ACTG2: variants seen among roughly 807,000 people sequenced by gnomAD.
The protein encoded by ACTG2 is actin gamma 2, smooth muscle, also known as actin, gamma-enteric smooth muscle.
A neutral mutation model predicts 37.6 loss-of-function variants in ACTG2; 16 were observed. The ratio of observed to expected loss-of-function variants is 0.43; its 90% CI spans 0.29 to 0.65. The LOEUF is 0.65. Ranked by LOEUF, ACTG2 falls within the 30% of genes least tolerant of loss-of-function variation. The pLI is 0.18. For missense variants in ACTG2, 238 were observed against 490.9 expected, an observed-to-expected ratio of 0.48 and a Z score of 4.87; for synonymous variants, 181 against 179.9, an observed-to-expected ratio of 1.01 and a Z score of -0.05.
intron 3 of ACTG2, among the ~76,000 whole-genome samples, chr2:73,903,816 T>G (rs1464994245): frequency 6.6e-6 from 1 of 151,700 alleles, no homozygotes; most frequent in Non-Finnish European, 1.5e-5. Flanking sequence ...GGCGGGTGCC[T>G]GTAATCCCAG....
chr2:73,896,192 T>C (rs1679744557), intron 1 of ACTG2, among the ~76,000 whole-genome samples: 1 of 152,038 alleles, frequency 6.6e-6, no homozygotes, highest in African/African-American at 2.4e-5. Flanking sequence ...TTTTTTGAAA[T>C]TAGCAGAATG....
At chr2:73,918,373 A>T (rs1467947615) in intron 8 of ACTG2, among the ~76,000 whole-genome samples, 1 of 152,212 alleles carries the variant, frequency 6.6e-6, no homozygotes, top group Non-Finnish European at 1.5e-5. Flanking sequence ...GTGGCTGTGC[A>T]TTCCCAGTCC....
chr2:73,904,777 G>GTGTGTGTATGTATATATATATATATA (rs1427483105), intron 3 of ACTG2, among the ~76,000 whole-genome samples: 2 of 42,608 alleles, frequency 4.7e-5, no homozygotes, highest in African/African-American at 1.6e-4. Context: ...GTGTGTGTGT[G>GTGTGTGTATGTATATATATATATATA]TATATATATA....
chr2:73,895,405 C>T (rs930544822), intron 1 of ACTG2, among the ~76,000 whole-genome samples: 11 of 151,994 alleles, frequency 7.2e-5, no homozygotes, highest in Non-Finnish European at 1.5e-4. Flanking sequence ...GTGAAGATAT[C>T]CTGAAGTTAA....
At chr2:73,901,201 C>T (rs1679863505) in intron 1 of ACTG2, 75 bp from the exon 2 acceptor site, 3 of 1,245,022 alleles carry the variant, frequency 2.4e-6, no homozygotes, top group Non-Finnish European at 3.2e-6. Flanking sequence ...TAGGGTCAGG[C>T]CCCAAAGCCA....
At chr2:73,913,960 T>C (rs915099202) in intron 6 of ACTG2, among the ~76,000 whole-genome samples, 1 of 152,096 alleles carries the variant, frequency 6.6e-6, no homozygotes, top group African/African-American at 2.4e-5. Context: ...TGAGGACAAA[T>C]TGAATAAGTG....
At chr2:73,916,911 A>G in intron 8 of ACTG2, 146 bp downstream of exon 8, 1 of 957,956 alleles carries the variant, frequency 1.0e-6, no homozygotes, top group Non-Finnish European at 1.5e-6. Flanking sequence ...ATTTTATCCT[A>G]CGGAATTATG....
chr2:73,895,854 C>T (rs983783341), intron 1 of ACTG2, among the ~76,000 whole-genome samples: 3 of 152,152 alleles, frequency 2.0e-5, no homozygotes, highest in Non-Finnish European at 2.9e-5. Context: ...TTTAGGCTTT[C>T]GGAGCCTGAA....
intron 1 of ACTG2, among the ~76,000 whole-genome samples, chr2:73,894,424 G>C (rs1679696942): frequency 6.6e-6 from 1 of 152,208 alleles, no homozygotes; most frequent in African/African-American, 2.4e-5. Context: ...TGCCAGGCCT[G>C]AGAAAAGGGG....
At chr2:73,916,392 A>G (rs1025241195) in intron 7 of ACTG2, among the ~76,000 whole-genome samples, 192 bp from the exon 8 acceptor site, 3 of 148,934 alleles carry the variant, frequency 2.0e-5, no homozygotes, top group Non-Finnish European at 4.5e-5. Flanking sequence ...AAAAAAAAAG[A>G]TCAATCAGAA....
In ACTG2 at chr2:73,902,489, G is replaced by GT; in HGVS notation, c.255+2dup. On this transcript the variant is annotated splice_donor_variant, in intron 3 of 8. Transcript: ENST00000345517. LOFTEE classifies it high-confidence loss of function. Reference sequence around the variant, plus strand: ...CACCAACTGGGATGACATGGAGAAGGTATCTGTAGACTTCCCCTTAATGAG... The same window carrying GT: ...CACCAACTGGGATGACATGGAGAAGGTTATCTGTAGACTTCCCCTTAATGAG... 1 of 1,613,994 alleles carries GT rather than the reference G, an allele frequency of 6.2e-7. No homozygotes were observed. Among genetic ancestry groups the GT allele is most frequent in the Non-Finnish European group, 8.5e-7 (1 of 1,179,982 alleles).
intron 3 of ACTG2, chr2:73,908,233 G>A: frequency 2.1e-6 from 1 of 468,862 alleles, no homozygotes. Flanking sequence ...TGCTCATGGA[G>A]GGCCACGCCA....
intron 3 of ACTG2, chr2:73,908,233 G>C: frequency 2.1e-6 from 1 of 468,862 alleles, no homozygotes; most frequent in Non-Finnish European, 4.4e-6. Flanking sequence ...TGCTCATGGA[G>C]GGCCACGCCA....
At position 73,919,790 on chromosome 2, in the gene ACTG2, A is replaced by G; in HGVS notation, c.*215A>G. On this transcript the variant is annotated 3_prime_UTR_variant, in exon 9 of 9. Transcript: ENST00000345517. Reference sequence around the variant, plus strand: ...TTATACCCATATTACAGATGAGGAAATTGAGGCTCAGAGAAGTCAAGGACT... The same window carrying G: ...TTATACCCATATTACAGATGAGGAAGTTGAGGCTCAGAGAAGTCAAGGACT... The G allele has an allele frequency of 2.4e-6, 1 of 417,896 alleles. No homozygotes were observed. The highest frequency in any genetic ancestry group is 3.9e-5 in the East Asian group (1 of 25,610). The allele number at this position is 417,896 out of a possible 1,614,324, so 25.9% of individuals were successfully genotyped here. A position where few individuals can be genotyped will look rare whatever the true frequency, so the allele number is the denominator to read the frequency against.
At chr2:73,908,450 A>G in intron 3 of ACTG2, 1 of 631,280 alleles carries the variant, frequency 1.6e-6, no homozygotes, top group Non-Finnish European at 3.0e-6. Context: ...TAATGAACAC[A>G]TAGAAAATAC....
chr2:73,916,486 G>A (rs149051673), intron 7 of ACTG2, 98 bp from the exon 8 acceptor site: 24 of 1,061,900 alleles, frequency 2.3e-5, no homozygotes, highest in Non-Finnish European at 3.0e-5. Flanking sequence ...TTCTGAACTA[G>A]GGTAGTTGCA....
At chr2:73,907,016 C>T (rs1680031084) in intron 3 of ACTG2, among the ~76,000 whole-genome samples, 1 of 152,122 alleles carries the variant, frequency 6.6e-6, no homozygotes, top group Non-Finnish European at 1.5e-5. Flanking sequence ...CTGTGCAATG[C>T]TCACAGTCCA....
At chr2:73,900,057 T>C (rs965127144) in intron 1 of ACTG2, among the ~76,000 whole-genome samples, 7 of 152,220 alleles carry the variant, frequency 4.6e-5, no homozygotes, top group African/African-American at 1.7e-4. Context: ...AGCTTCTGCA[T>C]GAGGCCATCT....
At chr2:73,895,137 G>T (rs927186940) in intron 1 of ACTG2, among the ~76,000 whole-genome samples, 2 of 152,070 alleles carry the variant, frequency 1.3e-5, no homozygotes, top group African/African-American at 4.8e-5. Flanking sequence ...GGGCAGCTCC[G>T]GGCAGAGGCT....
Sources: gnomAD v4.1 joint callset for allele counts (sites outside exome capture counted in the v4.1 genomes callset) on GRCh38, gnomAD v4.1.1 for gene constraint, MANE v1.5 for transcripts, NCBI Gene and HGNC (gene_info 2026-07-23, HGNC 2026-07-21) for gene names.